GALNT14: variants seen among roughly 807,000 people sequenced by gnomAD.
GALNT14 encodes the protein UDP-GalNAc:polypeptide N-acetylgalactosaminyltransferase 14.
Under a neutral mutation model 77.5 loss-of-function variants are expected in GALNT14, and 60 were observed. The ratio of observed to expected loss-of-function variants is 0.77; its 90% CI spans 0.63 to 0.96. GALNT14 has a LOEUF of 0.96. GALNT14 is among the 40% of genes least tolerant of loss of function. The probability of loss-of-function intolerance (pLI) is 0.00; values close to 1 mark genes in which losing one functional copy is unlikely to be tolerated. For missense variants in GALNT14, 710 were observed against 731.0 expected (o/e 0.97, Z 0.33); for synonymous variants, 280 against 281.7 (o/e 0.99, Z 0.06).
At position 30,910,914 on chromosome 2, in the gene GALNT14, A is replaced by G. The variant is rs866967833; in HGVS notation, c.1646T>C (p.Met549Thr). The change falls in exon 15 of 15, where the codon ATG (methionine) becomes ACG (threonine). Residue 549 changes from methionine to threonine, a missense_variant. Physicochemically the swap from Met to Thr is moderately conservative, Grantham distance 81. Coordinates refer to ENST00000349752, the MANE Select transcript of GALNT14 (RefSeq NM_024572.4). ...ESSLMSQHWD[M>T]VSS ...TGGCAGGGGTCCTCAAGAGCTCACC[A>G]TGTCCCAGTGCTGGCTCATGAGTGA... 6.2e-7 allele frequency: 1 copy of G among 1,612,870 alleles called. No individual in the cohort carries two copies. Among genetic ancestry groups the G allele is most frequent in the South Asian group, 1.1e-5 (1 of 91,036 alleles).
At chr2:30,909,161 T>C (rs1236469857), downstream of GALNT14, among the ~76,000 whole-genome samples, 2 of 151,668 alleles carry the variant, frequency 1.3e-5, no homozygotes, top group African/African-American at 4.8e-5. Context: ...AAGGACTTCA[T>C]GTCTAAAACA....
intron 1 of GALNT14, among the ~76,000 whole-genome samples, chr2:31,124,924 G>C (rs1044611201): frequency 6.7e-6 from 1 of 149,532 alleles, no homozygotes; most frequent in African/African-American, 2.6e-5. Flanking sequence ...CAATAACGGA[G>C]GCCACAAACC....
intron 2 of GALNT14, among the ~76,000 whole-genome samples, chr2:30,984,529 C>CT (rs1358596032): frequency 1.3e-5 from 2 of 152,208 alleles, no homozygotes; most frequent in Admixed American, 1.3e-4. Flanking sequence ...GAATTCAAGA[C>CT]TTTGCCACAA....
intron 2 of GALNT14, among the ~76,000 whole-genome samples, chr2:30,971,782 C>T (rs1668371953): frequency 6.6e-6 from 1 of 151,990 alleles, no homozygotes; most frequent in Non-Finnish European, 1.5e-5. Context: ...GAATATGTGA[C>T]AACTTGGCAT....
chr2:31,005,531 A>G (rs763722611), intron 1 of GALNT14, among the ~76,000 whole-genome samples: 1 of 152,240 alleles, frequency 6.6e-6, no homozygotes, highest in Non-Finnish European at 1.5e-5. Context: ...TGCATACACA[A>G]CATATTATCA....
intron 1 of GALNT14, among the ~76,000 whole-genome samples, chr2:31,108,075 T>A (rs1336885243): frequency 1.3e-5 from 2 of 152,150 alleles, no homozygotes; most frequent in African/African-American, 4.8e-5. Flanking sequence ...AAAGTAGCAG[T>A]AAGAACACGC....
chr2:31,083,754 C>T (rs1432868012), intron 1 of GALNT14, among the ~76,000 whole-genome samples: 1 of 152,184 alleles, frequency 6.6e-6, no homozygotes, highest in African/African-American at 2.4e-5. Flanking sequence ...AGCCATGGTT[C>T]AGTGGGCAGG....
chr2:30,891,755 T>C, the GALNT14 span, among the ~76,000 whole-genome samples: 2 of 152,174 alleles, frequency 1.3e-5, no homozygotes, highest in African/African-American at 4.8e-5. Context: ...TGATTCTTCC[T>C]GCATTATGAG....
intron 13 of GALNT14, among the ~76,000 whole-genome samples, chr2:30,915,697 G>T (rs918355952): frequency 6.6e-6 from 1 of 152,190 alleles, no homozygotes; most frequent in African/African-American, 2.4e-5. Context: ...GCCCTCTGCT[G>T]GTGGCTTCGT....
intron 1 of GALNT14, 108 bp downstream of exon 1, chr2:31,137,850 C>T: frequency 1.4e-6 from 2 of 1,395,824 alleles, no homozygotes; most frequent in South Asian, 2.8e-5. Flanking sequence ...CTGCTCGCAG[C>T]ACCCAGACCC....
intron 1 of GALNT14, among the ~76,000 whole-genome samples, chr2:31,021,308 A>C (rs7601373): frequency 6.6e-6 from 1 of 151,000 alleles, no homozygotes; most frequent in Admixed American, 6.6e-5. Context: ...TCTTTTTTTT[A>C]TTTTTATTTT....
chr2:30,976,206 T>C (rs555226687), intron 2 of GALNT14, among the ~76,000 whole-genome samples: 2 of 152,200 alleles, frequency 1.3e-5, no homozygotes, highest in South Asian at 4.2e-4. Context: ...GGATAGCAAG[T>C]TGACAGGGTT....
intron 2 of GALNT14, among the ~76,000 whole-genome samples, chr2:30,986,224 C>A (rs1452424474): frequency 6.6e-6 from 1 of 152,188 alleles, no homozygotes; most frequent in African/African-American, 2.4e-5. Context: ...CACACAGACC[C>A]AGCCAGGCCA....
Position 30,958,471 on chromosome 2 carries a change from G to T in GALNT14, c.399-7C>A. On this transcript the variant is annotated splice_region_variant and splice_polypyrimidine_tract_variant and intron_variant, in intron 3 of 14. Coordinates refer to ENST00000349752, the MANE Select transcript of GALNT14 (RefSeq NM_024572.4). ...AGGGGTGCGGTTTAATACACTGCAA[G>T]ATGGAAACAGAAAAAAATCACTGGA... 3 of 1,612,994 alleles carry T rather than the reference G, an allele frequency of 1.9e-6. No homozygotes were observed. The highest frequency in any genetic ancestry group is 1.7e-6 in the Non-Finnish European group (2 of 1,179,128).
At chr2:31,047,443 GC>G (rs370871127) in intron 1 of GALNT14, among the ~76,000 whole-genome samples, 4 of 152,240 alleles carry the variant, frequency 2.6e-5, no homozygotes, top group African/African-American at 9.6e-5. Context: ...AAAAGACAGG[GC>G]ATCCCAGGGC....
At chr2:31,106,874 G>A (rs1677584590) in intron 1 of GALNT14, among the ~76,000 whole-genome samples, 2 of 152,152 alleles carry the variant, frequency 1.3e-5, no homozygotes, top group South Asian at 2.1e-4. Context: ...TTTGCAGGAA[G>A]TTCTGAGGAT....
In GALNT14 at chr2:30,933,769, G is replaced by C. The variant is rs753271509; in HGVS notation, c.932-1575C>G. Among the ~76,000 whole-genome samples the C allele has an allele frequency of 2.0e-5, 3 of 152,358 alleles. No individual in the cohort carries two copies. In the South Asian group the frequency reaches 6.2e-4, roughly 32 times the overall value. On this transcript the variant is annotated intron_variant, in intron 9 of 14. Transcript: ENST00000349752. Reference sequence around the variant, plus strand: ...AGCAGGCCCAAGTCCGCAGTAACCAGCTAGCTGTATCCTTGGGAAACCTGC... The same window carrying C: ...AGCAGGCCCAAGTCCGCAGTAACCACCTAGCTGTATCCTTGGGAAACCTGC...
intron 1 of GALNT14, among the ~76,000 whole-genome samples, chr2:31,029,955 T>G (rs1672309586): frequency 6.6e-6 from 1 of 152,254 alleles, no homozygotes; most frequent in Non-Finnish European, 1.5e-5. Flanking sequence ...AGCTTTCCAT[T>G]GTCCTTGGGA....
rs746508405 is a variant in GALNT14 at position 30,932,053 on chromosome 2, C to T, written c.1058+15G>A. On this transcript the variant is annotated intron_variant, in intron 10 of 14. Coordinates refer to ENST00000349752, the MANE Select transcript of GALNT14 (RefSeq NM_024572.4). ...TGTGCTGCTGCCCACCCGCGCTGAG[C>T]CCCTGGGCACTTACTTTATATACGT... is the stretch of plus-strand genomic sequence containing the variant. 3 of 1,510,212 alleles carry T rather than the reference C, an allele frequency of 2.0e-6. No individual in the cohort carries two copies. The highest frequency in any genetic ancestry group is 2.7e-6 in the Non-Finnish European group (3 of 1,125,520). 93.6% of individuals were successfully genotyped at this position (1,510,212 alleles called of 1,614,324 possible). A position where few individuals can be genotyped will look rare whatever the true frequency, so the allele number is the denominator to read the frequency against.
Sources: gnomAD v4.1 joint callset for allele counts (sites outside exome capture counted in the v4.1 genomes callset) on GRCh38, gnomAD v4.1.1 for gene constraint, MANE v1.5 for transcripts, NCBI Gene and HGNC (gene_info 2026-07-23, HGNC 2026-07-21) for gene names.